The following CENPF variants were observed in gnomAD, a reference collection of about 807,000 sequenced individuals.
The protein encoded by CENPF is AH antigen.
A neutral mutation model predicts 307.3 loss-of-function variants in CENPF; 214 were observed. The observed-to-expected ratio is 0.70, with a 90% CI of 0.62 to 0.78. The LOEUF is 0.78. Ranked by LOEUF, CENPF falls within the 30% of genes least tolerant of loss-of-function variation. The probability of loss-of-function intolerance (pLI) is 0.00; values close to 1 mark genes in which losing one functional copy is unlikely to be tolerated. For synonymous variants in CENPF, 1,259 were observed against 1,270.6 expected (o/e 0.99, Z 0.19); for missense variants, 3,401 against 3,483.9 (o/e 0.98, Z 0.60).
In CENPF at chr1:214,639,904, T is replaced by A. The variant is rs758998755; in HGVS notation, c.1583-17T>A. Reference sequence around the variant, plus strand: ...ATTTATTACAAACATTGACGACTTTTATTTATTTTTAAATAGCGAAGAATA... The same window carrying A: ...ATTTATTACAAACATTGACGACTTTAATTTATTTTTAAATAGCGAAGAATA... On this transcript the variant is annotated splice_polypyrimidine_tract_variant and intron_variant, in intron 11 of 19. Coordinates refer to ENST00000366955, the MANE Select transcript of CENPF (RefSeq NM_016343.4). 2.7e-6 allele frequency: 4 copies of A among 1,465,830 alleles called. No individual in the cohort carries two copies. In the East Asian group the frequency reaches 7.5e-5, roughly 28 times the overall value. The allele number at this position is 1,465,830 out of a possible 1,614,324, so 90.8% of individuals were successfully genotyped here. A position where few individuals can be genotyped will look rare whatever the true frequency, so the allele number is the denominator to read the frequency against.
intron 10 of CENPF, among the ~76,000 whole-genome samples, chr1:214,634,506 C>T (rs940712753): frequency 6.6e-6 from 1 of 152,190 alleles, no homozygotes; most frequent in Admixed American, 6.5e-5. Flanking sequence ...TCTGACTTTC[C>T]TCATCTGCAT....
rs566306919 is a variant in CENPF, at chr1:214,637,914, G to C, written c.1495G>C (p.Ala499Pro). ...CCTTAAGAGTCACTCTGAGCAAAAG[G>C]CCAGAGAAGTCTGCCACCTGGAGGC... ...NLLKSHSEQK[A>P]REVCHLEAEL... Residue 499 changes from alanine (A) to proline (P), a missense_variant, in exon 11 of 20, where the codon GCC becomes CCC. Physicochemically the swap from Ala to Pro is conservative, Grantham distance 27. Transcript: ENST00000366955. The C allele has an allele frequency of 6.2e-7, 1 of 1,613,330 alleles. No individual in the cohort carries two copies. Among genetic ancestry groups the C allele is most frequent in the African/African-American group, 1.3e-5 (1 of 74,878 alleles).
At chr1:214,605,942 A>G (rs1657015383) in intron 1 of CENPF, 2 of 1,597,166 alleles carry the variant, frequency 1.3e-6, no homozygotes, top group Admixed American at 1.7e-5. Flanking sequence ...GGTGTCGGGG[A>G]AGGCGACGCG....
Position 214,657,413 on chromosome 1 carries a change from T to A in CENPF, c.8962+4T>A. On this transcript the variant is annotated splice_donor_region_variant and intron_variant, in intron 18 of 19. Transcript: ENST00000366955. ...CTTCCAGAAGTTGTAAAGAAAGGTATGCCTAATTTAAAGACAAAATTATTT... is the reference window on the plus strand; with the variant it reads ...CTTCCAGAAGTTGTAAAGAAAGGTAAGCCTAATTTAAAGACAAAATTATTT... 6.3e-7 allele frequency: 1 copy of A among 1,577,740 alleles called. No individual in the cohort carries two copies. The highest frequency in any genetic ancestry group is 8.6e-7 in the Non-Finnish European group (1 of 1,159,640).
In CENPF at chr1:214,642,880, G is replaced by C. The variant is rs779823477; in HGVS notation, c.4542G>C (p.Gly1514=). The change falls in exon 12 of 20, where the codon GGG becomes GGC. Residue 1514 remains glycine, a synonymous_variant. Transcript: ENST00000366955. ...GDMSLLSNLE[G]AVSANQCSVD... ...TGTCTCTTTTGAGTAATTTAGAAGG[G>C]GCTGTTTCAGCAAACCAGTGCAGTG... 17 of 1,613,954 alleles carry C rather than the reference G, an allele frequency of 1.1e-5. No homozygotes were observed. Among genetic ancestry groups the C allele is most frequent in the Non-Finnish European group, 1.4e-5 (16 of 1,179,984 alleles).
At chr1:214,619,694 G>A (rs976309276) in intron 5 of CENPF, among the ~76,000 whole-genome samples, 1 of 152,146 alleles carries the variant, frequency 6.6e-6, no homozygotes, top group African/African-American at 2.4e-5. Context: ...TAAACATAAG[G>A]ACTTGATGAG....
rs376866622 is a variant in CENPF at position 214,657,522 on chromosome 1, A to G, written c.8962+113A>G. 6.7e-6 allele frequency: 5 copies of G among 743,212 alleles called. No homozygotes were observed. In the Admixed American group the frequency reaches 7.8e-5, roughly 12 times the overall value. The allele number at this position is 743,212 out of a possible 1,614,324, so 46.0% of individuals were successfully genotyped here. A position where few individuals can be genotyped will look rare whatever the true frequency, so the allele number is the denominator to read the frequency against. On this transcript the variant is annotated intron_variant, in intron 18 of 19. Coordinates refer to ENST00000366955, the MANE Select transcript of CENPF (RefSeq NM_016343.4). Reference sequence around the variant, plus strand: ...TTTTACATTATTGTGCAATAATCTCATTGACGTTCATAAGCAATAGTCTGC... The same window carrying G: ...TTTTACATTATTGTGCAATAATCTCGTTGACGTTCATAAGCAATAGTCTGC...
intron 10 of CENPF, among the ~76,000 whole-genome samples, chr1:214,635,649 C>A (rs1657941806): frequency 6.6e-6 from 1 of 152,146 alleles, no homozygotes; most frequent in African/African-American, 2.4e-5. Flanking sequence ...TTTTAAAATT[C>A]TTGGGTTGGT....
chr1:214,620,946 G>C lies in CENPF; in HGVS notation c.865G>C (p.Glu289Gln). The change falls in exon 6 of 20, where the codon GAG becomes CAG. Residue 289 changes from glutamate to glutamine, a missense_variant and splice_region_variant. Transcript: ENST00000366955. ...LLDQLKAQNQ[E>Q]LRNKINELEL... ...GGATCAATTAAAAGCGCAGAATCAAGGTAACATTGAGCTAAGTTAAGTTTA... is the reference window on the plus strand; with the variant it reads ...GGATCAATTAAAAGCGCAGAATCAACGTAACATTGAGCTAAGTTAAGTTTA... 6.3e-7 allele frequency: 1 copy of C among 1,596,790 alleles called. No homozygotes were observed. The highest frequency in any genetic ancestry group is 8.5e-7 in the Non-Finnish European group (1 of 1,172,386).
chr1:214,647,539 T>C, intron 13 of CENPF, 139 bp downstream of exon 13: 1 of 957,096 alleles, frequency 1.0e-6, no homozygotes, highest in Non-Finnish European at 1.5e-6. Context: ...GCTTTATGTT[T>C]ACTGGGTCTT....
intron 3 of CENPF, among the ~76,000 whole-genome samples, chr1:214,616,966 TTCCCTCCC>T (rs1260955318): frequency 2.4e-5 from 3 of 123,010 alleles, no homozygotes; most frequent in South Asian, 3.5e-4. Context: ...CCTTCCCTCC[TTCCCTCCC>T]TCCCTCCCTC....
Position 214,646,527 on chromosome 1 carries a change from T to G in CENPF, c.6957T>G (p.Cys2319Trp). ...RLEADEKKQL[C>W]VLQQLKESEH... Reference sequence around the variant, plus strand: ...AAGCTGATGAAAAGAAGCAGCTCTGTGTCTTACAACAACTGAAGGAAAGTG... The same window carrying G: ...AAGCTGATGAAAAGAAGCAGCTCTGGGTCTTACAACAACTGAAGGAAAGTG... Residue 2319 changes from cysteine to tryptophan, a missense_variant, in exon 13 of 20, where the codon TGT becomes TGG. By Grantham distance (215) the Cys-to-Trp change is radical. Coordinates refer to ENST00000366955, the MANE Select transcript of CENPF (RefSeq NM_016343.4). 1 of 1,614,146 alleles carries G rather than the reference T, an allele frequency of 6.2e-7. No individual in the cohort carries two copies. The highest frequency in any genetic ancestry group is 8.5e-7 in the Non-Finnish European group (1 of 1,180,036).
chr1:214,642,885 T>C lies in CENPF; in HGVS notation c.4547T>C (p.Val1516Ala). Reference sequence around the variant, plus strand: ...CTTTTGAGTAATTTAGAAGGGGCTGTTTCAGCAAACCAGTGCAGTGTAGAT... The same window carrying C: ...CTTTTGAGTAATTTAGAAGGGGCTGCTTCAGCAAACCAGTGCAGTGTAGAT... ...MSLLSNLEGA[V>A]SANQCSVDEV... The change falls in exon 12 of 20, where the codon GTT (valine) becomes GCT (alanine). Residue 1516 changes from valine to alanine, a missense_variant. Coordinates refer to ENST00000366955, the MANE Select transcript of CENPF (RefSeq NM_016343.4). The C allele has an allele frequency of 6.2e-7, 1 of 1,614,040 alleles. No homozygotes were observed. The highest frequency in any genetic ancestry group is 8.5e-7 in the Non-Finnish European group (1 of 1,179,982).
At chr1:214,625,189 G>T (rs539869872) in intron 7 of CENPF, among the ~76,000 whole-genome samples, 1 of 151,798 alleles carries the variant, frequency 6.6e-6, no homozygotes, top group African/African-American at 2.4e-5. Flanking sequence ...ATATAATTGG[G>T]CCATGTTTTT....
intron 17 of CENPF, among the ~76,000 whole-genome samples, 156 bp from the exon 18 acceptor site, chr1:214,656,774 AGTT>A (rs894005947): frequency 2.0e-5 from 3 of 152,004 alleles, no homozygotes; most frequent in African/African-American, 4.8e-5. Context: ...CCCGAACAAG[AGTT>A]GTTTGAACTA....
At chr1:214,629,748 T>C (rs112646872) in intron 8 of CENPF, among the ~76,000 whole-genome samples, 15,534 of 152,104 alleles carry the variant, frequency 0.1, 1,156 homozygotes, top group African/African-American at 0.2. Flanking sequence ...GATGGGGTTT[T>C]GCCATGTTGG....
At position 214,659,032 on chromosome 1, in the gene CENPF, A is replaced by G. The variant is rs1253096696; in HGVS notation, c.9141+4A>G. ...TGGTGGCAGCAGATCACAAAAGGTA[A>G]ACTACTGTCAACATCCGTCTACTGT... is the stretch of plus-strand genomic sequence containing the variant. On this transcript the variant is annotated splice_donor_region_variant and intron_variant, in intron 19 of 19. Transcript: ENST00000366955. This position sits in a 1 kb window ranked among gnomAD's most constrained non-coding sequence, Gnocchi z 4.4. 6.2e-7 allele frequency: 1 copy of G among 1,613,840 alleles called. No homozygotes were observed. The highest frequency in any genetic ancestry group is 8.5e-7 in the Non-Finnish European group (1 of 1,179,900).
intron 8 of CENPF, among the ~76,000 whole-genome samples, chr1:214,629,724 G>A (rs990222252): frequency 2.0e-5 from 3 of 152,048 alleles, no homozygotes; most frequent in Non-Finnish European, 2.9e-5. Flanking sequence ...GCTAATTTTT[G>A]TATTTTTAGT....
At chr1:214,616,857 CTT>C (rs1286557307) in intron 3 of CENPF, among the ~76,000 whole-genome samples, 1 of 28,298 alleles carries the variant, frequency 3.5e-5, no homozygotes, top group Non-Finnish European at 7.8e-5. Context: ...TTCTTTCTTT[CTT>C]TCTTTCTTTC....
Sources: gnomAD v4.1 joint callset for allele counts (sites outside exome capture counted in the v4.1 genomes callset) on GRCh38, gnomAD v4.1.1 for gene constraint, Gnocchi (gnomAD v3.1) non-coding constraint, MANE v1.5 for transcripts, NCBI Gene and HGNC (gene_info 2026-07-23, HGNC 2026-07-21) for gene names.